Variants in CALN1 observed in about 807,000 individuals in gnomAD.
The protein encoded by CALN1 is calcium-binding protein 8.
CALN1 carries 17 observed loss-of-function variants against 30.6 expected under a neutral mutation model. That is an observed-to-expected ratio of 0.56 (90% CI 0.38 to 0.83). The LOEUF (loss-of-function observed/expected upper bound fraction) is 0.83, where lower values mean the gene tolerates loss of function less well. CALN1 is among the 40% of genes least tolerant of loss of function. The pLI is 0.00. For synonymous variants in CALN1, 156 were observed against 131.4 expected, an observed-to-expected ratio of 1.19 and a Z score of -1.28; for missense variants, 291 against 354.9, an observed-to-expected ratio of 0.82 and a Z score of 1.45.
chr7:72,205,566 A>ATATATATACACACATATATATATATACG (rs1169550933), intron 3 of CALN1, among the ~76,000 whole-genome samples: 6 of 115,660 alleles, frequency 5.2e-5, no homozygotes, highest in African/African-American at 1.8e-4. Flanking sequence ...ATATATATAT[A>ATATATATACACACATATATATATATACG]TGTATATATA....
At chr7:72,164,783 C>A (rs1300173125) in intron 3 of CALN1, among the ~76,000 whole-genome samples, 3 of 152,204 alleles carry the variant, frequency 2.0e-5, no homozygotes, top group Non-Finnish European at 4.4e-5. Flanking sequence ...CCCACCTCAG[C>A]CTCCTGAGCA....
At chr7:72,344,686 A>C (rs1373567420) in intron 2 of CALN1, among the ~76,000 whole-genome samples, 1 of 146,868 alleles carries the variant, frequency 6.8e-6, no homozygotes, top group Non-Finnish European at 1.5e-5. Context: ...TATGTATATA[A>C]TTATTTACAT....
intron 2 of CALN1, among the ~76,000 whole-genome samples, chr7:72,342,106 C>T (rs901316720): frequency 6.6e-6 from 1 of 151,792 alleles, no homozygotes; most frequent in African/African-American, 2.4e-5. Context: ...AAATGATTTG[C>T]AAAATTAGCC....
the CALN1 span, among the ~76,000 whole-genome samples, chr7:72,488,974 C>T: frequency 2.0e-5 from 3 of 152,270 alleles, no homozygotes; most frequent in Admixed American, 2.0e-4. Flanking sequence ...CATAGGAGAG[C>T]CTACAGACTC....
intron 3 of CALN1, among the ~76,000 whole-genome samples, chr7:72,116,602 A>G: frequency 6.6e-6 from 1 of 152,182 alleles, no homozygotes; most frequent in Non-Finnish European, 1.5e-5. Flanking sequence ...AAAAGGGCAC[A>G]GCTAGCACTA....
chr7:72,397,710 T>TCACACACACA (rs1286894513), intron 2 of CALN1, among the ~76,000 whole-genome samples: 112 of 57,322 alleles, frequency 2.0e-3, no homozygotes, highest in African/African-American at 3.1e-3. Flanking sequence ...GCACCCATTC[T>TCACACACACA]CTCTCACACA....
At chr7:72,062,703 A>G (rs28715281) in intron 4 of CALN1, among the ~76,000 whole-genome samples, 9,382 of 152,146 alleles carry the variant, frequency 0.062, 947 homozygotes, top group African/African-American at 0.21. Flanking sequence ...GTAGGTTGAT[A>G]TAACATCTAA....
chr7:72,396,069 T>C (rs1442101125), intron 2 of CALN1, among the ~76,000 whole-genome samples: 4 of 151,400 alleles, frequency 2.6e-5, no homozygotes, highest in Non-Finnish European at 5.9e-5. Context: ...AGCAAACTGA[T>C]GGGAGCAGAG....
chr7:71,790,352 AAAGAAAGAAAGAAAGAAAAGAAAG>A, intron 6 of CALN1, among the ~76,000 whole-genome samples: 3 of 100,840 alleles, frequency 3.0e-5, no homozygotes, highest in East Asian at 4.7e-4. Flanking sequence ...GAAAGAAAAG[AAAGAAAGAAAGAAAGAAAAGAAAG>A]AAAGAAAGAA....
intron 2 of CALN1, among the ~76,000 whole-genome samples, chr7:72,336,526 C>T (rs1038533678): frequency 2.0e-5 from 3 of 152,234 alleles, no homozygotes; most frequent in South Asian, 2.1e-4. Flanking sequence ...GGGGTGGGTG[C>T]CCCAGTGTCG....
At chr7:72,402,216 T>C (rs1806390379) in intron 2 of CALN1, among the ~76,000 whole-genome samples, 1 of 152,194 alleles carries the variant, frequency 6.6e-6, no homozygotes, top group Non-Finnish European at 1.5e-5. Flanking sequence ...CTCCTGCCCT[T>C]GACTTCTCAA....
intron 2 of CALN1, among the ~76,000 whole-genome samples, chr7:72,334,799 A>C (rs1385832785): frequency 1.3e-5 from 2 of 152,242 alleles, no homozygotes; most frequent in African/African-American, 4.8e-5. Context: ...CCACTTGGAT[A>C]CACCCAGTAA....
At chr7:71,834,251 A>C (rs1192750800) in intron 5 of CALN1, among the ~76,000 whole-genome samples, 3 of 150,462 alleles carry the variant, frequency 2.0e-5, no homozygotes, top group East Asian at 1.9e-4. Flanking sequence ...CAACAAAAAA[A>C]AACTAGTTAA....
At chr7:72,017,600 C>G (rs916706037) in intron 5 of CALN1, among the ~76,000 whole-genome samples, 4 of 152,146 alleles carry the variant, frequency 2.6e-5, no homozygotes, top group Non-Finnish European at 5.9e-5. Context: ...AAGTCCTGAG[C>G]ATGCAAAAAG....
intron 3 of CALN1, among the ~76,000 whole-genome samples, chr7:72,153,789 G>T (rs1350630869): frequency 2.0e-5 from 3 of 152,210 alleles, no homozygotes; most frequent in Non-Finnish European, 4.4e-5. Context: ...ACATCCACTG[G>T]GTAGTTTCTG....
chr7:71,952,556 C>T (rs1408072435), intron 5 of CALN1, among the ~76,000 whole-genome samples: 2 of 152,268 alleles, frequency 1.3e-5, no homozygotes, highest in African/African-American at 2.4e-5. Context: ...CTGATTTGAT[C>T]GGTCCTCCAA....
chr7:72,418,274 A>G (rs1807488800), intron 1 of CALN1, among the ~76,000 whole-genome samples: 1 of 152,092 alleles, frequency 6.6e-6, no homozygotes. Context: ...AGCTGCATCT[A>G]TGTTGTTGTA....
At chr7:72,312,452 T>C (rs1012084547) in intron 2 of CALN1, among the ~76,000 whole-genome samples, 1 of 151,702 alleles carries the variant, frequency 6.6e-6, no homozygotes, top group African/African-American at 2.4e-5. Flanking sequence ...GATTTTGTTG[T>C]TCACCCCATG....
chr7:72,136,780 T>C (rs1809540876), intron 3 of CALN1, among the ~76,000 whole-genome samples: 1 of 152,282 alleles, frequency 6.6e-6, no homozygotes, highest in East Asian at 1.9e-4. Flanking sequence ...TTCAGTGTTA[T>C]TGTATCTCAG....
Sources: gnomAD v4.1 joint callset for allele counts (sites outside exome capture counted in the v4.1 genomes callset) on GRCh38, gnomAD v4.1.1 for gene constraint, MANE v1.5 for transcripts, NCBI Gene and HGNC (gene_info 2026-07-23, HGNC 2026-07-21) for gene names.